The following TC2N variants were observed in gnomAD, a reference collection of about 807,000 sequenced individuals.
TC2N encodes tandem C2 domains, nuclear.
In TC2N, 51 loss-of-function variants were observed where a neutral mutation model predicts 61.9. The ratio of observed to expected loss-of-function variants is 0.82; its 90% CI spans 0.66 to 1.04. The LOEUF is 1.04. Ranked by LOEUF, TC2N falls within the 50% of genes least tolerant of loss-of-function variation. TC2N has a pLI of 0.00. For synonymous variants in TC2N, 204 were observed against 192.6 expected, an observed-to-expected ratio of 1.06 and a Z score of -0.49; for missense variants, 556 against 566.7, an observed-to-expected ratio of 0.98 and a Z score of 0.19.
intron 11 of TC2N, 63 bp from the exon 12 acceptor site, chr14:91,783,273 G>C: frequency 1.1e-6 from 1 of 886,490 alleles, no homozygotes; most frequent in Admixed American, 2.2e-5. Flanking sequence ...CATTCAGACA[G>C]TTAGTTACTC....
chr14:91,794,131 CT>C (rs1306672177), intron 8 of TC2N, among the ~76,000 whole-genome samples: 1 of 152,202 alleles, frequency 6.6e-6, no homozygotes, highest in Non-Finnish European at 1.5e-5. Flanking sequence ...AAGGTCCTAA[CT>C]CTCTTCAATT....
intron 1 of TC2N, among the ~76,000 whole-genome samples, chr14:91,826,999 A>G (rs888829333): frequency 1.3e-5 from 2 of 152,182 alleles, no homozygotes; most frequent in African/African-American, 4.8e-5. Context: ...GCATTTAGTT[A>G]AAGTGTTTTA....
chr14:91,827,157 C>G (rs1426805860), intron 1 of TC2N, among the ~76,000 whole-genome samples: 2 of 152,154 alleles, frequency 1.3e-5, no homozygotes, highest in African/African-American at 4.8e-5. Flanking sequence ...TTCCTTTCAT[C>G]CTTCCTTGGA....
chr14:91,806,665 C>G (rs1334874065), intron 3 of TC2N, among the ~76,000 whole-genome samples: 1 of 152,016 alleles, frequency 6.6e-6, no homozygotes, highest in East Asian at 1.9e-4. Context: ...AAGAGGTGAC[C>G]TGGCTGCTGT....
At chr14:91,828,408 T>C (rs1021280936) in intron 1 of TC2N, among the ~76,000 whole-genome samples, 8 of 152,082 alleles carry the variant, frequency 5.3e-5, no homozygotes, top group Non-Finnish European at 1.0e-4. Context: ...TCAGTATGTA[T>C]CTCTAAAAGA....
At chr14:91,816,649 T>C (rs143490986) in intron 1 of TC2N, among the ~76,000 whole-genome samples, 2 of 152,062 alleles carry the variant, frequency 1.3e-5, no homozygotes, top group East Asian at 3.9e-4. Flanking sequence ...ACCCATGTTT[T>C]CTTCCAGTAC....
chr14:91,800,498 G>A (rs950931107), intron 4 of TC2N, 126 bp from the exon 5 acceptor site: 1 of 460,418 alleles, frequency 2.2e-6, no homozygotes, highest in Non-Finnish European at 3.7e-6. Context: ...AAGAGATAAA[G>A]CCTTCTAATA....
intron 1 of TC2N, among the ~76,000 whole-genome samples, chr14:91,827,765 A>C (rs1485659434): frequency 8.5e-5 from 13 of 152,368 alleles, no homozygotes; most frequent in Admixed American, 7.8e-4. Context: ...TTATTTAAAT[A>C]GTCACTCTGG....
chr14:91,807,088 G>A (rs1886544115), intron 3 of TC2N, among the ~76,000 whole-genome samples: 1 of 152,232 alleles, frequency 6.6e-6, no homozygotes, highest in Admixed American at 6.5e-5. Flanking sequence ...GCCTGCAGGT[G>A]CATAGAAGTC....
At chr14:91,831,193 T>C (rs1326792585) in intron 1 of TC2N, among the ~76,000 whole-genome samples, 4 of 152,220 alleles carry the variant, frequency 2.6e-5, no homozygotes, top group South Asian at 2.1e-4. Flanking sequence ...TGTTCTCAGC[T>C]AAGGTTGTCC....
chr14:91,857,998 C>G (rs1888515339), intron 1 of TC2N, among the ~76,000 whole-genome samples: 1 of 152,056 alleles, frequency 6.6e-6, no homozygotes, highest in Non-Finnish European at 1.5e-5. Context: ...TAGGGTATTA[C>G]TCTGTTGCCC....
intron 1 of TC2N, among the ~76,000 whole-genome samples, chr14:91,846,559 C>A (rs985023957): frequency 1.3e-5 from 2 of 152,138 alleles, no homozygotes; most frequent in Non-Finnish European, 2.9e-5. Context: ...AAGAGGCATC[C>A]AGCCCAACAG....
chr14:91,861,651 G>A (rs146842810), intron 1 of TC2N, among the ~76,000 whole-genome samples: 30 of 152,366 alleles, frequency 2.0e-4, no homozygotes, highest in Non-Finnish European at 3.1e-4. Context: ...AGCTGGACAT[G>A]ATGGCTGATG....
At chr14:91,802,509 T>G in intron 3 of TC2N, 88 bp from the exon 4 acceptor site, 1 of 1,219,708 alleles carries the variant, frequency 8.2e-7, no homozygotes, top group Non-Finnish European at 1.2e-6. Context: ...AAAGAAAAAA[T>G]ATTTTGTCTC....
chr14:91,828,441 C>A (rs1887596944), intron 1 of TC2N, among the ~76,000 whole-genome samples: 1 of 151,868 alleles, frequency 6.6e-6, no homozygotes, highest in Non-Finnish European at 1.5e-5. Flanking sequence ...ACATCTAATA[C>A]CAAATATAAC....
intron 1 of TC2N, among the ~76,000 whole-genome samples, chr14:91,865,186 C>T (rs1001512916): frequency 6.6e-6 from 1 of 152,018 alleles, no homozygotes; most frequent in African/African-American, 2.4e-5. Flanking sequence ...TTCAGTAGAT[C>T]ACTCCTGTGT....
At chr14:91,824,838 CAGCT>C (rs1213411276) in intron 1 of TC2N, among the ~76,000 whole-genome samples, 1 of 152,032 alleles carries the variant, frequency 6.6e-6, no homozygotes, top group Non-Finnish European at 1.5e-5. Context: ...AAGAAAGGAT[CAGCT>C]AGCAAAGTTC....
intron 1 of TC2N, among the ~76,000 whole-genome samples, chr14:91,849,164 A>C (rs1158740643): frequency 6.6e-6 from 1 of 152,218 alleles, no homozygotes; most frequent in Non-Finnish European, 1.5e-5. Context: ...TCTCATCATG[A>C]GGACCACTCT....
chr14:91,861,972 G>A (rs1566792428), intron 1 of TC2N, among the ~76,000 whole-genome samples: 3 of 151,728 alleles, frequency 2.0e-5, no homozygotes, highest in Admixed American at 1.3e-4. Context: ...ATGTGTGTGT[G>A]TATATATATG....
Sources: allele counts gnomAD v4.1 joint callset (sites outside exome capture counted in the v4.1 genomes callset), GRCh38; gene constraint gnomAD v4.1.1; transcripts MANE v1.5; gene names NCBI Gene and HGNC (gene_info 2026-07-23, HGNC 2026-07-21).